MTA3: variants seen among roughly 807,000 people sequenced by gnomAD.
The protein encoded by MTA3 is metastasis associated 1 family member 3, also known as metastasis-associated protein MTA3.
Under a neutral mutation model 83.5 loss-of-function variants are expected in MTA3, and 34 were observed. That is an observed-to-expected ratio of 0.41 (90% CI 0.31 to 0.54). The LOEUF (loss-of-function observed/expected upper bound fraction) is 0.54, where lower values mean the gene tolerates loss of function less well. Among genes scored for constraint, MTA3 ranks in the 20% least tolerant of loss-of-function variants. MTA3 has a pLI of 0.33. For synonymous variants in MTA3, 303 were observed against 252.7 expected (o/e 1.20, Z -1.89); for missense variants, 761 against 726.4 (o/e 1.05, Z -0.55).
At chr2:42,738,604 G>A (rs1420366099) in intron 16 of MTA3, among the ~76,000 whole-genome samples, 5 of 152,174 alleles carry the variant, frequency 3.3e-5, no homozygotes, top group Admixed American at 3.3e-4. Flanking sequence ...TTGAAAAACA[G>A]GATAACAGCA....
intron 2 of MTA3, among the ~76,000 whole-genome samples, chr2:42,572,548 C>G (rs1678608147): frequency 6.6e-6 from 1 of 151,944 alleles, no homozygotes; most frequent in African/African-American, 2.4e-5. Context: ...GCACTCCAGC[C>G]TGGGTAACAC....
intron 4 of MTA3, among the ~76,000 whole-genome samples, chr2:42,622,870 G>C (rs917657930): frequency 6.6e-6 from 1 of 152,024 alleles, no homozygotes; most frequent in South Asian, 2.1e-4. Context: ...AGTGCTGGAG[G>C]ACTTACGTTG....
intron 2 of MTA3, among the ~76,000 whole-genome samples, chr2:42,503,449 A>C (rs1674490463): frequency 6.6e-6 from 1 of 152,166 alleles, no homozygotes; most frequent in Non-Finnish European, 1.5e-5. Flanking sequence ...GTGACTAAGA[A>C]TGCCTAACCG....
At chr2:42,531,813 G>GCC (rs1196516794) in intron 2 of MTA3, among the ~76,000 whole-genome samples, 1 of 151,182 alleles carries the variant, frequency 6.6e-6, no homozygotes, top group Non-Finnish European at 1.5e-5. Context: ...CTGGAGTGCA[G>GCC]TGGCACAATC....
chr2:42,510,537 A>T (rs778000894), intron 2 of MTA3, among the ~76,000 whole-genome samples: 1 of 152,170 alleles, frequency 6.6e-6, no homozygotes, highest in African/African-American at 2.4e-5. Context: ...ACTGTTCACT[A>T]TTGAATTGAA....
At chr2:42,589,899 C>T (rs1164176030) in intron 3 of MTA3, among the ~76,000 whole-genome samples, 1 of 152,048 alleles carries the variant, frequency 6.6e-6, no homozygotes, top group Non-Finnish European at 1.5e-5. Context: ...GGTTTTTACT[C>T]CCCATGTTTC....
chr2:42,719,129 A>C, intron 15 of MTA3, 55 bp downstream of exon 15: 2 of 1,315,770 alleles, frequency 1.5e-6, no homozygotes, highest in South Asian at 1.3e-5. Flanking sequence ...AATAGTATAG[A>C]TATTTGGCAA....
Position 42,510,162 on chromosome 2 carries a change from C to T in MTA3, c.-141+14908C>T, listed in dbSNP as rs185247993. 4.9e-4 allele frequency among the ~76,000 whole-genome samples: 75 copies of T among 152,000 alleles called. No homozygotes were observed. The East Asian group carries it at 0.013, about 27-fold the overall frequency. The stretch of plus-strand genomic sequence containing the variant: ...CCAATATGGTGAAACTCCATCTCTA[C>T]TAAAAATACAAAAATTAGCTGGGCA... On this transcript the variant is annotated intron_variant, in intron 2 of 17. Transcript: ENST00000405592.
intron 13 of MTA3, among the ~76,000 whole-genome samples, chr2:42,708,379 A>T (rs1309920066): frequency 2.0e-5 from 3 of 152,240 alleles, no homozygotes; most frequent in Non-Finnish European, 4.4e-5. Flanking sequence ...GTCTTACTAC[A>T]TAAAGTCATA....
chr2:42,710,577 AAGTG>A (rs972811049), intron 14 of MTA3, among the ~76,000 whole-genome samples: 6 of 150,712 alleles, frequency 4.0e-5, no homozygotes, highest in South Asian at 2.1e-4. Flanking sequence ...AAAAAAAAGA[AAGTG>A]GTAGCAATGT....
In MTA3 at chr2:42,756,635, G is replaced by C. The variant is rs1483005162; in HGVS notation, c.*3236G>C. ...AGAGGAAACGGCTTTGGGGAGGGAG[G>C]GGGAAGCCTTTATTCTTTACTGTTG... On this transcript the variant is annotated 3_prime_UTR_variant, in exon 17 of 17. Coordinates refer to ENST00000405094, the MANE Select transcript of MTA3 (RefSeq NM_001330442.2). The C allele has an allele frequency of 5.1e-6, 5 of 985,394 alleles. No individual in the cohort carries two copies. Among genetic ancestry groups the C allele is most frequent in the Non-Finnish European group, 6.0e-6 (5 of 830,014 alleles). 61.0% of individuals were successfully genotyped at this position (985,394 alleles called of 1,614,324 possible).
At chr2:42,678,793 C>T (rs1262025652) in intron 8 of MTA3, among the ~76,000 whole-genome samples, 1 of 152,090 alleles carries the variant, frequency 6.6e-6, no homozygotes, top group Non-Finnish European at 1.5e-5. Flanking sequence ...TGTGTGTATA[C>T]ATACATATAC....
At chr2:42,712,413 T>G (rs1283090624) in intron 14 of MTA3, among the ~76,000 whole-genome samples, 2 of 152,104 alleles carry the variant, frequency 1.3e-5, no homozygotes, top group Non-Finnish European at 2.9e-5. Context: ...TCCTCTTGGC[T>G]TCTGAGTAGG....
At chr2:42,499,646 G>A (rs910827535) in intron 2 of MTA3, among the ~76,000 whole-genome samples, 9 of 151,606 alleles carry the variant, frequency 5.9e-5, no homozygotes, top group East Asian at 2.0e-4. Flanking sequence ...AAAATTAGCC[G>A]GGGTGGTGAT....
intron 2 of MTA3, among the ~76,000 whole-genome samples, chr2:42,509,170 G>C (rs1221458431): frequency 6.6e-6 from 1 of 151,964 alleles, no homozygotes; most frequent in Non-Finnish European, 1.5e-5. Flanking sequence ...AGCCTCCCAA[G>C]TAGCTGGGAC....
chr2:42,640,265 T>C (rs1454314619), intron 5 of MTA3, 29 bp downstream of exon 5: 2 of 1,491,204 alleles, frequency 1.3e-6, no homozygotes, highest in Non-Finnish European at 1.8e-6. Context: ...TGTTTTGTTT[T>C]TTTCTCCCTT....
upstream of MTA3, chr2:42,568,532 TAG>T: frequency 4.0e-6 from 1 of 253,016 alleles, no homozygotes; most frequent in Non-Finnish European, 7.1e-6. Flanking sequence ...TCGGCCTTGC[TAG>T]CCTGGCGCTG....
At chr2:42,594,115 C>G (rs965350337) in intron 3 of MTA3, among the ~76,000 whole-genome samples, 1 of 151,950 alleles carries the variant, frequency 6.6e-6, no homozygotes, top group Admixed American at 6.6e-5. Flanking sequence ...CCATGCCTGG[C>G]TAATTTTTGT....
intron 4 of MTA3, among the ~76,000 whole-genome samples, chr2:42,615,965 C>G (rs1412705978): frequency 2.0e-5 from 3 of 151,998 alleles, no homozygotes; most frequent in Admixed American, 6.6e-5. Context: ...CGTGATCTGC[C>G]CACCTCAGCC....
Sources: gnomAD v4.1 joint callset for allele counts (sites outside exome capture counted in the v4.1 genomes callset) on GRCh38, gnomAD v4.1.1 for gene constraint, MANE v1.5 for transcripts, NCBI Gene and HGNC (gene_info 2026-07-23, HGNC 2026-07-21) for gene names.